Variants in PDE10A observed in about 807,000 individuals in gnomAD.
The protein encoded by PDE10A is phosphodiesterase 10A, also known as cAMP and cAMP-inhibited cGMP 3',5'-cyclic phosphodiesterase 10A.
In PDE10A, 39 loss-of-function variants were observed where a neutral mutation model predicts 97.7. That is an observed-to-expected ratio of 0.40 (90% CI 0.31 to 0.52). PDE10A has a LOEUF of 0.52. Among genes scored for constraint, PDE10A ranks in the 20% least tolerant of loss-of-function variants. The pLI, the probability that PDE10A is intolerant of heterozygous loss-of-function variation, is 0.56. For synonymous variants in PDE10A, 371 were observed against 376.8 expected (o/e 0.98, Z 0.18); for missense variants, 731 against 1,047.8 (o/e 0.70, Z 4.17).
At chr6:165,603,742 A>G (rs1435158315) in intron 1 of PDE10A, among the ~76,000 whole-genome samples, 3 of 152,214 alleles carry the variant, frequency 2.0e-5, no homozygotes, top group African/African-American at 7.2e-5. Flanking sequence ...GAAAATGGAG[A>G]GAAAGGGGGC....
chr6:165,380,991 G>C (rs1327905608), intron 17 of PDE10A, among the ~76,000 whole-genome samples: 1 of 152,202 alleles, frequency 6.6e-6, no homozygotes, highest in African/African-American at 2.4e-5. Flanking sequence ...AGCAGGTCAT[G>C]TGAAGGGAAT....
chr6:165,640,707 A>G (rs910955672), intron 1 of PDE10A, among the ~76,000 whole-genome samples: 3 of 152,274 alleles, frequency 2.0e-5, no homozygotes, highest in African/African-American at 7.2e-5. Context: ...CTGATAAACT[A>G]AGCGATGTTG....
intron 1 of PDE10A, among the ~76,000 whole-genome samples, chr6:165,911,229 T>A (rs1167194645): frequency 6.6e-6 from 1 of 152,130 alleles, no homozygotes; most frequent in Non-Finnish European, 1.5e-5. Context: ...ATCAACAAAC[T>A]CTTCTCCAAA....
At chr6:165,813,240 T>A (rs192592620) in intron 1 of PDE10A, among the ~76,000 whole-genome samples, 1 of 152,332 alleles carries the variant, frequency 6.6e-6, no homozygotes, top group African/African-American at 2.4e-5. Context: ...TTGAAAATTT[T>A]AAACAGGTTG....
rs199829658 is a variant in PDE10A at position 165,794,358 on chromosome 6, C to T, written c.-615+193171G>A. 1.0e-3 allele frequency among the ~76,000 whole-genome samples: 157 copies of T among 151,464 alleles called. 4 individuals are homozygous for T. The East Asian group carries it at 0.023, about 22-fold the overall frequency. On this transcript the variant is annotated intron_variant, in intron 1 of 19. Transcript: ENST00000366882. ...ATAAACACCCAGACTCACACAGATG[C>T]TCACACACACTCATACAATCCCCCA...
At chr6:165,981,989 G>A in intron 1 of PDE10A, among the ~76,000 whole-genome samples, 1 of 152,186 alleles carries the variant, frequency 6.6e-6, no homozygotes, top group Non-Finnish European at 1.5e-5. Context: ...ACTAGTTTTA[G>A]AGACATAAAA....
chr6:165,448,011 A>G (rs1219964305), intron 5 of PDE10A, among the ~76,000 whole-genome samples: 1 of 152,202 alleles, frequency 6.6e-6, no homozygotes, highest in Non-Finnish European at 1.5e-5. Context: ...TAAGAGTCCT[A>G]TTAAAAATCT....
chr6:165,594,439 T>TACAAAAAAG (rs1280419906), intron 1 of PDE10A, among the ~76,000 whole-genome samples: 1 of 152,086 alleles, frequency 6.6e-6, no homozygotes, highest in Non-Finnish European at 1.5e-5. Flanking sequence ...ATAGAAATGG[T>TACAAAAAAG]AATATATTAT....
At chr6:165,470,649 A>C (rs1201940254) in intron 3 of PDE10A, among the ~76,000 whole-genome samples, 1 of 152,194 alleles carries the variant, frequency 6.6e-6, no homozygotes, top group Non-Finnish European at 1.5e-5. Context: ...TTTTTCTGGT[A>C]ATCAATTAGA....
chr6:165,876,558 G>A (rs1364122963), intron 1 of PDE10A, among the ~76,000 whole-genome samples: 27 of 152,064 alleles, frequency 1.8e-4, no homozygotes, highest in Admixed American at 1.8e-3. Flanking sequence ...TCAGGGTTTT[G>A]GTAGCAAAAC....
chr6:165,621,016 T>A, intron 1 of PDE10A, among the ~76,000 whole-genome samples: 1 of 127,780 alleles, frequency 7.8e-6, no homozygotes, highest in Admixed American at 7.9e-5. Context: ...CAAGACTCTG[T>A]CTCAAAAAAA....
chr6:165,674,817 A>G (rs1790750283), intron 1 of PDE10A, among the ~76,000 whole-genome samples: 2 of 152,214 alleles, frequency 1.3e-5, no homozygotes, highest in Admixed American at 1.3e-4. Context: ...ACTTCCAGTT[A>G]GGAAGTTTTC....
At chr6:165,576,363 T>C in intron 1 of PDE10A, 1 of 779,788 alleles carries the variant, frequency 1.3e-6, no homozygotes, top group South Asian at 1.3e-5. Context: ...CCTGTCTATC[T>C]GAATGTCCCT....
At chr6:165,504,185 T>G (rs1263087388) in intron 2 of PDE10A, among the ~76,000 whole-genome samples, 1 of 152,148 alleles carries the variant, frequency 6.6e-6, no homozygotes, top group Non-Finnish European at 1.5e-5. Flanking sequence ...AGGAAGAATT[T>G]TTTTAGAATA....
At chr6:165,769,794 G>A (rs758147202) in intron 1 of PDE10A, among the ~76,000 whole-genome samples, 2 of 152,146 alleles carry the variant, frequency 1.3e-5, no homozygotes, top group African/African-American at 4.8e-5. Flanking sequence ...TTGGTGCTCC[G>A]TTTTGAGAAC....
At chr6:165,707,366 C>A (rs1168261391) in intron 1 of PDE10A, among the ~76,000 whole-genome samples, 1 of 152,222 alleles carries the variant, frequency 6.6e-6, no homozygotes, top group Non-Finnish European at 1.5e-5. Flanking sequence ...GCAGCTCACT[C>A]AGGGGCGCTC....
At chr6:165,807,986 G>A (rs953723373) in intron 1 of PDE10A, among the ~76,000 whole-genome samples, 1 of 152,210 alleles carries the variant, frequency 6.6e-6, no homozygotes, top group East Asian at 1.9e-4. Flanking sequence ...TGAAAGAAAA[G>A]GATTCCTATT....
chr6:165,664,615 GA>G (rs555467107), upstream of PDE10A, among the ~76,000 whole-genome samples: 307 of 152,144 alleles, frequency 2.0e-3, 2 homozygotes, highest in African/African-American at 7.2e-3. Flanking sequence ...TTTCGGCAAA[GA>G]AAAAAACTGC....
intron 3 of PDE10A, among the ~76,000 whole-genome samples, chr6:165,464,724 C>G (rs1778533975): frequency 6.6e-6 from 1 of 152,142 alleles, no homozygotes; most frequent in South Asian, 2.1e-4. Flanking sequence ...GTTTTGCCAG[C>G]TTTTGGAATT....
Sources: allele counts gnomAD v4.1 joint callset (sites outside exome capture counted in the v4.1 genomes callset), GRCh38; gene constraint gnomAD v4.1.1; transcripts MANE v1.5; gene names NCBI Gene and HGNC (gene_info 2026-07-23, HGNC 2026-07-21).